The following RFTN2 variants were observed in gnomAD, a reference collection of about 807,000 sequenced individuals.
RFTN2 encodes the protein raftlin family member 2.
Under a neutral mutation model 52.7 loss-of-function variants are expected in RFTN2, and 34 were observed. The observed-to-expected ratio is 0.64, with a 90% CI of 0.49 to 0.86. The LOEUF (loss-of-function observed/expected upper bound fraction) is 0.86, where lower values mean the gene tolerates loss of function less well. Among genes scored for constraint, RFTN2 ranks in the 40% least tolerant of loss-of-function variants. The probability of loss-of-function intolerance (pLI) is 0.00; values close to 1 mark genes in which losing one functional copy is unlikely to be tolerated. For missense variants in RFTN2, 536 were observed against 600.1 expected, an observed-to-expected ratio of 0.89 and a Z score of 1.12; for synonymous variants, 203 against 217.7, an observed-to-expected ratio of 0.93 and a Z score of 0.59.
rs1453957037 is a variant in RFTN2, at chr2:197,617,838, T to C, written c.1012A>G (p.Asn338Asp). The change falls in exon 6 of 9, where the codon AAT becomes GAT. Residue 338 changes from asparagine (N) to aspartate (D), a missense_variant. Physicochemically the swap from Asn to Asp is conservative, Grantham distance 23. Coordinates refer to ENST00000295049, the MANE Select transcript of RFTN2 (RefSeq NM_144629.3). ...SGVPGSSRKGNDAIVVEQWTV... is the reference protein window; with the variant it reads ...SGVPGSSRKGDDAIVVEQWTV... ...CATTGTTCTACTACGATGGCATCAT[T>C]TCCTTTCCTACTAGAACCTGGAACT... 1.2e-6 allele frequency: 2 copies of C among 1,608,946 alleles called. No homozygotes were observed. The highest frequency in any genetic ancestry group is 1.7e-6 in the Non-Finnish European group (2 of 1,176,492).
chr2:197,588,205 T>C (rs916726102), intron 8 of RFTN2, among the ~76,000 whole-genome samples: 2 of 152,232 alleles, frequency 1.3e-5, no homozygotes, highest in East Asian at 3.8e-4. Flanking sequence ...CATATTTTCC[T>C]ATTTTTTTCT....
At chr2:197,635,428 T>G (rs2088549408) in intron 3 of RFTN2, among the ~76,000 whole-genome samples, 2 of 152,354 alleles carry the variant, frequency 1.3e-5, no homozygotes, top group East Asian at 3.9e-4. Context: ...TGATCACCAT[T>G]CTAACTGGTG....
At chr2:197,611,782 A>G (rs1297335133) in intron 7 of RFTN2, among the ~76,000 whole-genome samples, 1 of 152,152 alleles carries the variant, frequency 6.6e-6, no homozygotes, top group Non-Finnish European at 1.5e-5. Context: ...CATTGCTTTA[A>G]ATGTGTCCCA....
chr2:197,591,629 G>A (rs1010900593), intron 8 of RFTN2, among the ~76,000 whole-genome samples: 5 of 152,190 alleles, frequency 3.3e-5, no homozygotes, highest in Admixed American at 6.5e-5. Flanking sequence ...GGGAGGCTCC[G>A]GTGGTGCAGG....
At chr2:197,603,175 C>T (rs557876928) in intron 7 of RFTN2, among the ~76,000 whole-genome samples, 34 of 152,148 alleles carry the variant, frequency 2.2e-4, no homozygotes, top group African/African-American at 7.9e-4. Context: ...TATACATGCA[C>T]GTTGTGCACA....
intron 8 of RFTN2, among the ~76,000 whole-genome samples, chr2:197,591,701 C>G (rs760386341): frequency 3.9e-5 from 6 of 152,086 alleles, no homozygotes; most frequent in Non-Finnish European, 7.4e-5. Context: ...GAGCCCTGCC[C>G]GGCGGGGAGG....
rs908045873 is a variant in RFTN2 at position 197,590,643 on chromosome 2, G to A, written c.1233+5348C>T. On this transcript the variant is annotated intron_variant, in intron 8 of 8. Transcript: ENST00000295049. The stretch of plus-strand genomic sequence containing the variant: ...GGTTCTTAAAGGCGGCGTGTCCGGA[G>A]TTTGCTCCTTCTGGTGTTTGGATGT... Among the ~76,000 whole-genome samples, 158 of 152,168 alleles carry A rather than the reference G, an allele frequency of 1.0e-3. 2 individuals carry two copies. The highest frequency in any genetic ancestry group is 6.0e-4 in the Non-Finnish European group (41 of 68,022).
chr2:197,620,379 A>G (rs1271731447), intron 5 of RFTN2, among the ~76,000 whole-genome samples: 1 of 152,070 alleles, frequency 6.6e-6, no homozygotes, highest in Non-Finnish European at 1.5e-5. Context: ...TATAGGAGAC[A>G]TTTTTCCCAT....
At chr2:197,581,695 C>G (rs896893282) in intron 8 of RFTN2, among the ~76,000 whole-genome samples, 1 of 152,150 alleles carries the variant, frequency 6.6e-6, no homozygotes, top group African/African-American at 2.4e-5. Context: ...CATCTGTTAC[C>G]TACCTCGGCA....
chr2:197,613,538 C>G (rs1374759500), intron 7 of RFTN2, among the ~76,000 whole-genome samples: 1 of 152,230 alleles, frequency 6.6e-6, no homozygotes, highest in Non-Finnish European at 1.5e-5. Flanking sequence ...CCAAGGTCAA[C>G]TGTATATAAC....
chr2:197,588,104 CATTT>C, intron 8 of RFTN2: 1 of 432,492 alleles, frequency 2.3e-6, no homozygotes, highest in Middle Eastern at 3.4e-4. Flanking sequence ...AAATAACACA[CATTT>C]AATATAGAAA....
chr2:197,578,437 T>C (rs756932051), intron 8 of RFTN2, among the ~76,000 whole-genome samples: 2 of 152,200 alleles, frequency 1.3e-5, no homozygotes, highest in Non-Finnish European at 2.9e-5. Context: ...CAAGCCTGCA[T>C]GTATACATCC....
At chr2:197,582,663 C>A (rs935465797) in intron 8 of RFTN2, among the ~76,000 whole-genome samples, 2 of 152,208 alleles carry the variant, frequency 1.3e-5, no homozygotes, top group Non-Finnish European at 2.9e-5. Flanking sequence ...TCTAAATATG[C>A]CTTGCATATC....
intron 6 of RFTN2, among the ~76,000 whole-genome samples, chr2:197,616,276 T>TTATTTTA: frequency 6.1e-5 from 1 of 16,418 alleles, no homozygotes; most frequent in African/African-American, 3.4e-4. Flanking sequence ...TGCATTTTAT[T>TTATTTTA]TTATTTTATT....
At chr2:197,605,781 C>A (rs1242851916) in intron 7 of RFTN2, among the ~76,000 whole-genome samples, 1 of 152,148 alleles carries the variant, frequency 6.6e-6, no homozygotes, top group East Asian at 1.9e-4. Flanking sequence ...CAGATTAGTG[C>A]TGGTATCTTA....
chr2:197,571,584 GAAAAA>G lies in RFTN2; in HGVS notation c.*419_*423del, dbSNP rs149774158. 1 of 128,958 alleles carries G rather than the reference GAAAAA, an allele frequency of 7.8e-6. No individual in the cohort carries two copies. The highest frequency in any genetic ancestry group is 1.7e-5 in the Non-Finnish European group (1 of 57,438). The allele number at this position is 128,958 out of a possible 1,614,324, so 8.0% of individuals were successfully genotyped here. A position where few individuals can be genotyped will look rare whatever the true frequency, so the allele number is the denominator to read the frequency against. On this transcript the variant is annotated 3_prime_UTR_variant, in exon 9 of 9. Coordinates refer to ENST00000295049, the MANE Select transcript of RFTN2 (RefSeq NM_144629.3). ...GCTGTGTGTGTGTATGAGAGAGAGA[GAAAAA>G]AAAAGAGAGAGAGAGGTTATTTTTC...
chr2:197,592,809 A>C (rs1399151111), intron 8 of RFTN2, among the ~76,000 whole-genome samples: 1 of 152,240 alleles, frequency 6.6e-6, no homozygotes, highest in African/African-American at 2.4e-5. Flanking sequence ...AATATATATG[A>C]GATAGCTAAA....
intron 1 of RFTN2, among the ~76,000 whole-genome samples, chr2:197,664,814 T>A (rs2089028546): frequency 6.6e-6 from 1 of 152,152 alleles, no homozygotes; most frequent in South Asian, 2.1e-4. Flanking sequence ...ACTCATTTTC[T>A]GGCCTAACAT....
At chr2:197,611,467 A>T (rs879909677) in intron 7 of RFTN2, among the ~76,000 whole-genome samples, 2 of 152,016 alleles carry the variant, frequency 1.3e-5, no homozygotes, top group Admixed American at 1.3e-4. Context: ...TATCCCCTTT[A>T]TCATTTTTAT....
Sources: gnomAD v4.1 joint callset for allele counts (sites outside exome capture counted in the v4.1 genomes callset) on GRCh38, gnomAD v4.1.1 for gene constraint, MANE v1.5 for transcripts, NCBI Gene and HGNC (gene_info 2026-07-23, HGNC 2026-07-21) for gene names.